Variants in APMAP observed in about 807,000 individuals in gnomAD.
The protein encoded by APMAP is adipocyte plasma membrane-associated protein.
Under a neutral mutation model 43.6 loss-of-function variants are expected in APMAP, and 33 were observed. That is an observed-to-expected ratio of 0.76 (90% CI 0.57 to 1.01). APMAP has a LOEUF of 1.01. Ranked by LOEUF, APMAP falls within the 50% of genes least tolerant of loss-of-function variation. The pLI, the probability that APMAP is intolerant of heterozygous loss-of-function variation, is 0.00. For missense variants in APMAP, 498 were observed against 540.7 expected (o/e 0.92, Z 0.78); for synonymous variants, 224 against 216.7 (o/e 1.03, Z -0.30).
intron 4 of APMAP, among the ~76,000 whole-genome samples, chr20:24,973,309 G>A (rs1442873162): frequency 6.6e-6 from 1 of 152,158 alleles, no homozygotes; most frequent in Non-Finnish European, 1.5e-5. Flanking sequence ...CTTTTCCACA[G>A]CAGCACTGTG....
At chr20:24,981,780 A>T (rs916114354) in intron 2 of APMAP, among the ~76,000 whole-genome samples, 2 of 152,176 alleles carry the variant, frequency 1.3e-5, no homozygotes, top group African/African-American at 4.8e-5. Context: ...TTTTACCATA[A>T]ATTTGACTTT....
intron 1 of APMAP, among the ~76,000 whole-genome samples, chr20:24,990,524 G>A (rs1483912437): frequency 6.6e-6 from 1 of 152,166 alleles, no homozygotes; most frequent in East Asian, 1.9e-4. Flanking sequence ...CTATGTCTTA[G>A]TTCTGTCAGT....
intron 6 of APMAP, 23 bp from the exon 7 acceptor site, chr20:24,969,683 G>A: frequency 9.4e-6 from 15 of 1,593,048 alleles, no homozygotes; most frequent in Non-Finnish European, 1.3e-5. Context: ...AAAAGCAGAG[G>A]GTTATGGGGG....
chr20:24,978,902 C>A lies in APMAP; in HGVS notation c.213-20G>T. 1 of 1,575,624 alleles carries A rather than the reference C, an allele frequency of 6.3e-7. No individual in the cohort carries two copies. The highest frequency in any genetic ancestry group is 1.1e-5 in the South Asian group (1 of 90,254). Reference sequence around the variant, plus strand: ...TTGAAGCTGCAAAATAATGCAATTCCAGAGATCTGTCTATAAATACACATG... The same window carrying A: ...TTGAAGCTGCAAAATAATGCAATTCAAGAGATCTGTCTATAAATACACATG... On this transcript the variant is annotated intron_variant, in intron 2 of 8. Transcript: ENST00000217456.
At position 24,969,097 on chromosome 20, in the gene APMAP, C is replaced by T. The variant is rs189877620; in HGVS notation, c.849-13G>A. ...AGAAACGTAGACTCTGAAAAATTCA[C>T]CCAAGCAGAGAGTGAACCATAGCCC... On this transcript the variant is annotated splice_polypyrimidine_tract_variant and intron_variant, in intron 7 of 8. Coordinates refer to ENST00000217456, the MANE Select transcript of APMAP (RefSeq NM_020531.3). 9,931 of 1,570,912 alleles carry T rather than the reference C, an allele frequency of 6.3e-3. 40 individuals carry two copies. Among genetic ancestry groups the T allele is most frequent in the Non-Finnish European group, 7.5e-3 (8,650 of 1,157,698 alleles).
rs1269583711 is a variant in APMAP at position 24,962,986 on chromosome 20, A to G, written c.*827T>C. 6.6e-6 allele frequency: 1 copy of G among 152,248 alleles called. No individual in the cohort carries two copies. The highest frequency in any genetic ancestry group is 1.5e-5 in the Non-Finnish European group (1 of 68,044). 9.4% of individuals were successfully genotyped at this position (152,248 alleles called of 1,614,324 possible). A position where few individuals can be genotyped will look rare whatever the true frequency, so the allele number is the denominator to read the frequency against. On this transcript the variant is annotated 3_prime_UTR_variant, in exon 9 of 9. Coordinates refer to ENST00000217456, the MANE Select transcript of APMAP (RefSeq NM_020531.3). ...ATTATCAAAATCATGACCAGTGTGTAGACATACTTGTGAAAATATACAGCA... is the reference window on the plus strand; with the variant it reads ...ATTATCAAAATCATGACCAGTGTGTGGACATACTTGTGAAAATATACAGCA...
Position 24,963,584 on chromosome 20 carries a change from T to C in APMAP, c.*229A>G, listed in dbSNP as rs1300832192. On this transcript the variant is annotated 3_prime_UTR_variant, in exon 9 of 9. Transcript: ENST00000217456. The stretch of plus-strand genomic sequence containing the variant: ...GAGAAAATGGCTTTACATGAATTTA[T>C]GTTCCTCATGGCAGATATGTTACAC... 1.8e-6 allele frequency: 1 copy of C among 561,184 alleles called. No individual in the cohort carries two copies. The highest frequency in any genetic ancestry group is 1.9e-5 in the African/African-American group (1 of 53,206). The allele number at this position is 561,184 out of a possible 1,614,324, so 34.8% of individuals were successfully genotyped here.
intron 1 of APMAP, 99 bp from the exon 2 acceptor site, chr20:24,984,118 T>C: frequency 1.1e-6 from 1 of 892,546 alleles, no homozygotes; most frequent in Non-Finnish European, 1.8e-6. Flanking sequence ...GGGACGCTCA[T>C]CCAGTTTCCC....
chr20:24,976,951 G>A (rs145800798), intron 3 of APMAP, among the ~76,000 whole-genome samples: 2 of 152,346 alleles, frequency 1.3e-5, no homozygotes, highest in African/African-American at 4.8e-5. Flanking sequence ...TACTGTATGA[G>A]TCCAGCTACA....
chr20:24,971,151 A>G (rs1197865452), intron 5 of APMAP, among the ~76,000 whole-genome samples: 5 of 152,206 alleles, frequency 3.3e-5, no homozygotes, highest in African/African-American at 1.2e-4. Flanking sequence ...ACGCAGAGAG[A>G]CACACAGAAA....
At chr20:24,991,486 C>T (rs912540575) in intron 1 of APMAP, among the ~76,000 whole-genome samples, 1 of 152,168 alleles carries the variant, frequency 6.6e-6, no homozygotes, top group African/African-American at 2.4e-5. Flanking sequence ...CAACTATCAC[C>T]GCAAAGTCTT....
rs369751425 is a variant in APMAP at position 24,969,597 on chromosome 20, C to T, written c.777G>A (p.Pro259=). Reference sequence around the variant, plus strand: ...CTGCAGGAGACAGCTGGACTCCATTCGGGAACCGCAGCTGGTCCAATAAAA... The same window carrying T: ...CTGCAGGAGACAGCTGGACTCCATTTGGGAACCGCAGCTGGTCCAATAAAA... ...VKVLLDQLRF[P]NGVQLSPAED... Residue 259 remains proline, a synonymous_variant, in exon 7 of 9, where the codon CCG becomes CCA. Coordinates refer to ENST00000217456, the MANE Select transcript of APMAP (RefSeq NM_020531.3). The T allele has an allele frequency of 1.2e-5, 19 of 1,613,988 alleles. No individual in the cohort carries two copies. In the East Asian group the frequency reaches 1.8e-4, roughly 15 times the overall value.
Position 24,963,782 on chromosome 20 carries a change from C to T in APMAP, c.*31G>A, listed in dbSNP as rs754004636. The T allele has an allele frequency of 1.9e-5, 30 of 1,607,444 alleles. No individual in the cohort carries two copies. Among genetic ancestry groups the T allele is most frequent in the Non-Finnish European group, 1.7e-5 (20 of 1,174,878 alleles). On this transcript the variant is annotated 3_prime_UTR_variant, in exon 9 of 9. Transcript: ENST00000217456. ...GGTGCCTGAGTGTGAAGACTCCTGGCCTGCGTGGCAGGGGCAGCTATCTGG... is the reference window on the plus strand; with the variant it reads ...GGTGCCTGAGTGTGAAGACTCCTGGTCTGCGTGGCAGGGGCAGCTATCTGG...
chr20:24,990,587 G>A (rs965741507), intron 1 of APMAP, among the ~76,000 whole-genome samples: 1 of 152,192 alleles, frequency 6.6e-6, no homozygotes, highest in Non-Finnish European at 1.5e-5. Context: ...CATCTAAAGT[G>A]CTAAAGTTTA....
At chr20:24,986,761 G>A (rs777576440) in intron 1 of APMAP, among the ~76,000 whole-genome samples, 1 of 152,212 alleles carries the variant, frequency 6.6e-6, no homozygotes, top group Non-Finnish European at 1.5e-5. Context: ...AAAGGCTCAA[G>A]TGGCTTTCCC....
chr20:24,963,844 A>G lies in APMAP; in HGVS notation c.1220T>C (p.Phe407Ser). 1 of 1,614,178 alleles carries G rather than the reference A, an allele frequency of 6.2e-7. No homozygotes were observed. Among genetic ancestry groups the G allele is most frequent in the South Asian group, 1.1e-5 (1 of 91,086 alleles). ...AGCCTGGAGGCTGAGTCTGCAGAGGAAGGGGGACCTGAAAGAGCCCAGGTA... is the reference window on the plus strand; with the variant it reads ...AGCCTGGAGGCTGAGTCTGCAGAGGGAGGGGGACCTGAAAGAGCCCAGGTA... ...HLYLGSFRSP[F>S]LCRLSLQAV Residue 407 changes from phenylalanine to serine, a missense_variant, in exon 9 of 9, where the codon TTC becomes TCC. By Grantham distance (155) the Phe-to-Ser change is radical. Transcript: ENST00000217456.
chr20:24,967,973 G>C (rs1482699839), intron 8 of APMAP, among the ~76,000 whole-genome samples: 1 of 152,234 alleles, frequency 6.6e-6, no homozygotes, highest in Non-Finnish European at 1.5e-5. Flanking sequence ...CCCAGGAGGG[G>C]TCCAGACACA....
In APMAP at chr20:24,984,837, A is replaced by G. The variant is rs115967584; in HGVS notation, c.96-818T>C. Among the ~76,000 whole-genome samples, 516 of 152,282 alleles carry G rather than the reference A, an allele frequency of 3.4e-3. 3 individuals are homozygous for G. The highest frequency in any genetic ancestry group is 0.012 in the African/African-American group (494 of 41,544). On this transcript the variant is annotated intron_variant, in intron 1 of 8. Transcript: ENST00000217456. ...CATTTGGCCTCTTGCTACTAAATAA[A>G]CCTCATAGGATCATTACTTGCTTAC... is the stretch of plus-strand genomic sequence containing the variant.
intron 3 of APMAP, 27 bp downstream of exon 3, chr20:24,978,740 T>C (rs76109420): frequency 0.036 from 36,353 of 1,007,126 alleles, 1,535 homozygotes; most frequent in African/African-American, 0.086. Context: ...CCTGGAAGGC[T>C]CCCCCCCCAC....
Sources: gnomAD v4.1 joint callset for allele counts (sites outside exome capture counted in the v4.1 genomes callset) on GRCh38, gnomAD v4.1.1 for gene constraint, MANE v1.5 for transcripts, NCBI Gene and HGNC (gene_info 2026-07-23, HGNC 2026-07-21) for gene names.